The following MALRD1 variants were observed in gnomAD, a reference collection of about 807,000 sequenced individuals.
MALRD1 encodes MAM and LDL receptor class A domain containing 1.
In MALRD1, 247 loss-of-function variants were observed where a neutral mutation model predicts 242.1. The ratio of observed to expected loss-of-function variants is 1.02; its 90% CI spans 0.92 to 1.13. The LOEUF is 1.13. Among genes scored for constraint, MALRD1 ranks in the 50% most tolerant of loss-of-function variants. MALRD1 has a pLI of 0.00. For synonymous variants in MALRD1, 995 were observed against 866.6 expected (o/e 1.15, Z -2.60); for missense variants, 2,989 against 2,533.1 (o/e 1.18, Z -3.86).
intron 4 of MALRD1, among the ~76,000 whole-genome samples, chr10:19,096,923 C>T (rs1207396502): frequency 1.3e-5 from 2 of 152,156 alleles, no homozygotes; most frequent in Non-Finnish European, 2.9e-5. Context: ...CTGTGAAGGA[C>T]TAGGTCTCTC....
At chr10:19,624,208 A>G (rs941064768) in intron 36 of MALRD1, among the ~76,000 whole-genome samples, 30 of 152,154 alleles carry the variant, frequency 2.0e-4, no homozygotes, top group African/African-American at 7.0e-4. Flanking sequence ...ACATGTCCAT[A>G]AGGCTACTCA....
At chr10:19,634,626 G>A (rs1202257315) in intron 36 of MALRD1, among the ~76,000 whole-genome samples, 3 of 152,098 alleles carry the variant, frequency 2.0e-5, no homozygotes, top group Non-Finnish European at 4.4e-5. Context: ...CTGTTGGTAA[G>A]AAAGGAAAAA....
chr10:19,278,443 G>GTCCATCCATCCATCCA (rs150208541), intron 19 of MALRD1, among the ~76,000 whole-genome samples: 44 of 149,060 alleles, frequency 3.0e-4, no homozygotes, highest in African/African-American at 5.9e-4. Flanking sequence ...TCATTCATCT[G>GTCCATCCATCCATCCA]TCCATCCATC....
At chr10:19,567,330 A>G (rs1321793142) in intron 32 of MALRD1, among the ~76,000 whole-genome samples, 172 bp from the exon 33 acceptor site, 6 of 152,182 alleles carry the variant, frequency 3.9e-5, no homozygotes, top group African/African-American at 9.7e-5. Context: ...CCAGGAAAAT[A>G]TAACATCCAT....
At chr10:19,534,413 C>G (rs923874259) in intron 32 of MALRD1, among the ~76,000 whole-genome samples, 3 of 152,166 alleles carry the variant, frequency 2.0e-5, no homozygotes, top group Non-Finnish European at 4.4e-5. Flanking sequence ...GCATGCTTTT[C>G]TTTCACCTGC....
At chr10:19,611,412 A>T (rs1838888978) in intron 35 of MALRD1, among the ~76,000 whole-genome samples, 1 of 152,024 alleles carries the variant, frequency 6.6e-6, no homozygotes, top group African/African-American at 2.4e-5. Flanking sequence ...TATTGTTTTT[A>T]TATGCATGTT....
At chr10:19,442,474 T>C (rs930221805) in intron 28 of MALRD1, among the ~76,000 whole-genome samples, 7 of 152,190 alleles carry the variant, frequency 4.6e-5, no homozygotes, top group African/African-American at 1.7e-4. Context: ...ACAGCTCTTA[T>C]TATTTTGAGA....
chr10:19,520,485 A>G (rs920454278), intron 31 of MALRD1, among the ~76,000 whole-genome samples: 5 of 152,178 alleles, frequency 3.3e-5, no homozygotes, highest in Middle Eastern at 3.2e-3. Flanking sequence ...AAATACAAGT[A>G]TTCTACTCCA....
chr10:19,326,452 G>C (rs1159449352), intron 22 of MALRD1, among the ~76,000 whole-genome samples: 1 of 151,960 alleles, frequency 6.6e-6, no homozygotes, highest in African/African-American at 2.4e-5. Flanking sequence ...TGTTGCATTA[G>C]TAAGTTTCTT....
chr10:19,376,542 C>CATT (rs1554842468), intron 26 of MALRD1, among the ~76,000 whole-genome samples: 1,141 of 94,970 alleles, frequency 0.012, 225 homozygotes, highest in African/African-American at 0.016. Flanking sequence ...TTGATACATT[C>CATT]TTTTTTTTTT....
intron 19 of MALRD1, among the ~76,000 whole-genome samples, chr10:19,266,340 G>A (rs1036951593): frequency 6.6e-6 from 1 of 151,602 alleles, no homozygotes; most frequent in African/African-American, 2.4e-5. Context: ...TTTCTGTAGT[G>A]GTATGCTTTG....
At chr10:19,570,960 T>C (rs1401459518) in intron 33 of MALRD1, among the ~76,000 whole-genome samples, 3 of 152,086 alleles carry the variant, frequency 2.0e-5, no homozygotes, top group African/African-American at 7.2e-5. Flanking sequence ...ACCACATATT[T>C]TGGGTTAATT....
At chr10:19,282,287 T>C (rs1361995059) in intron 20 of MALRD1, among the ~76,000 whole-genome samples, 1 of 152,218 alleles carries the variant, frequency 6.6e-6, no homozygotes, top group Non-Finnish European at 1.5e-5. Context: ...CCTTTTCAGA[T>C]TTCACATTAA....
intron 36 of MALRD1, among the ~76,000 whole-genome samples, chr10:19,657,144 G>A (rs376820428): frequency 6.6e-6 from 1 of 151,964 alleles, no homozygotes; most frequent in Non-Finnish European, 1.5e-5. Context: ...TGATACTGTG[G>A]TGCACTGGCA....
At chr10:19,431,244 A>G (rs1234000764) in intron 28 of MALRD1, among the ~76,000 whole-genome samples, 1 of 152,182 alleles carries the variant, frequency 6.6e-6, no homozygotes, top group Non-Finnish European at 1.5e-5. Flanking sequence ...CTCTTCTGTT[A>G]TAGACTTAAT....
chr10:19,256,550 C>T (rs1259763719), intron 18 of MALRD1, among the ~76,000 whole-genome samples: 1 of 151,936 alleles, frequency 6.6e-6, no homozygotes, highest in Non-Finnish European at 1.5e-5. Flanking sequence ...AAATGTTGTT[C>T]AAACAATGTC....
At chr10:19,362,216 C>G (rs1458561214) in intron 26 of MALRD1, among the ~76,000 whole-genome samples, 1 of 152,100 alleles carries the variant, frequency 6.6e-6, no homozygotes, top group Middle Eastern at 3.2e-3. Flanking sequence ...CAATTTACTC[C>G]TATAATACTT....
At chr10:19,179,758 G>A (rs1835418428) in intron 14 of MALRD1, among the ~76,000 whole-genome samples, 1 of 152,150 alleles carries the variant, frequency 6.6e-6, no homozygotes, top group African/African-American at 2.4e-5. Flanking sequence ...ACAACTAGCA[G>A]TAGAAGACTT....
At chr10:19,577,870 C>G (rs897266565) in intron 33 of MALRD1, among the ~76,000 whole-genome samples, 1 of 152,094 alleles carries the variant, frequency 6.6e-6, no homozygotes, top group African/African-American at 2.4e-5. Flanking sequence ...TTTGCTGACT[C>G]TTATTTTCAC....
Sources: gnomAD v4.1 joint callset for allele counts (sites outside exome capture counted in the v4.1 genomes callset) on GRCh38, gnomAD v4.1.1 for gene constraint, MANE v1.5 for transcripts, NCBI Gene and HGNC (gene_info 2026-07-23, HGNC 2026-07-21) for gene names.